Variants in RAB31 observed in about 807,000 individuals in gnomAD.
RAB31 encodes the protein ras-related protein Rab-31.
A neutral mutation model predicts 25.6 loss-of-function variants in RAB31; 21 were observed. The ratio of observed to expected loss-of-function variants is 0.82; its 90% CI spans 0.58 to 1.18. RAB31 has a LOEUF of 1.18. RAB31 is among the 50% of genes most tolerant of loss of function. The probability of loss-of-function intolerance (pLI) is 0.00; values close to 1 mark genes in which losing one functional copy is unlikely to be tolerated. For synonymous variants in RAB31, 87 were observed against 84.0 expected, an observed-to-expected ratio of 1.04 and a Z score of -0.20; for missense variants, 196 against 250.1, an observed-to-expected ratio of 0.78 and a Z score of 1.46.
intron 1 of RAB31, among the ~76,000 whole-genome samples, chr18:9,742,669 A>G (rs1479929433): frequency 1.3e-5 from 2 of 152,216 alleles, no homozygotes; most frequent in Admixed American, 6.5e-5. Context: ...CTCATGCCCA[A>G]TTACAGTTTA....
chr18:9,834,790 G>C lies in RAB31; in HGVS notation c.381-10792G>C, dbSNP rs188579307. Among the ~76,000 whole-genome samples, 5 of 152,254 alleles carry C rather than the reference G, an allele frequency of 3.3e-5. No individual in the cohort carries two copies. The East Asian group carries it at 9.7e-4, about 29-fold the overall frequency. Reference sequence around the variant, plus strand: ...AGAGTGGTTTAATCTTCTGTTCCTGGGGATTTTCTTCGAAGACAGAGTAAT... The same window carrying C: ...AGAGTGGTTTAATCTTCTGTTCCTGCGGATTTTCTTCGAAGACAGAGTAAT... On this transcript the variant is annotated intron_variant, in intron 5 of 6. Coordinates refer to ENST00000578921, the MANE Select transcript of RAB31 (RefSeq NM_006868.4).
chr18:9,826,001 C>T (rs1286430550), intron 5 of RAB31, among the ~76,000 whole-genome samples: 1 of 152,092 alleles, frequency 6.6e-6, no homozygotes, highest in African/African-American at 2.4e-5. Flanking sequence ...GTGACAGAAT[C>T]AATTGTACCC....
Position 9,859,389 on chromosome 18 carries a change from G to A in RAB31, c.*64G>A, listed in dbSNP as rs1040277625. ...GCCCACATCCTGTGCACTGCTGAAG[G>A]ACCCTACGCTCGGTGGCCTGGCACC... On this transcript the variant is annotated 3_prime_UTR_variant, in exon 7 of 7. Coordinates refer to ENST00000578921, the MANE Select transcript of RAB31 (RefSeq NM_006868.4). 7 of 1,416,932 alleles carry A rather than the reference G, an allele frequency of 4.9e-6. No homozygotes were observed. The highest frequency in any genetic ancestry group is 1.4e-5 in the African/African-American group (1 of 69,990). The allele number at this position is 1,416,932 out of a possible 1,614,324, so 87.8% of individuals were successfully genotyped here.
chr18:9,777,518 A>G (rs1388520089), intron 2 of RAB31, among the ~76,000 whole-genome samples: 6 of 152,138 alleles, frequency 3.9e-5, no homozygotes, highest in African/African-American at 1.4e-4. Context: ...CTTGTATGAT[A>G]GGTATACTTT....
chr18:9,795,883 G>A (rs957621937), intron 3 of RAB31, among the ~76,000 whole-genome samples: 3 of 152,120 alleles, frequency 2.0e-5, no homozygotes, highest in Non-Finnish European at 4.4e-5. Flanking sequence ...CCACTCCTGC[G>A]TATCAACCCA....
intron 5 of RAB31, among the ~76,000 whole-genome samples, chr18:9,837,925 T>C (rs1409985190): frequency 6.6e-6 from 1 of 152,204 alleles, no homozygotes; most frequent in Non-Finnish European, 1.5e-5. Flanking sequence ...GGGGTTGAGT[T>C]GGATAACACT....
At chr18:9,789,653 T>A (rs1330757794) in intron 2 of RAB31, among the ~76,000 whole-genome samples, 2 of 152,240 alleles carry the variant, frequency 1.3e-5, no homozygotes, top group Non-Finnish European at 2.9e-5. Flanking sequence ...GATTGGTTTT[T>A]ATTTTCTTTC....
intron 3 of RAB31, among the ~76,000 whole-genome samples, chr18:9,813,098 C>G: frequency 6.6e-6 from 1 of 152,206 alleles, no homozygotes; most frequent in East Asian, 1.9e-4. Context: ...ATGACCTCTC[C>G]TGTCTGGGGA....
At chr18:9,831,259 T>C (rs536548607) in intron 5 of RAB31, among the ~76,000 whole-genome samples, 2 of 152,352 alleles carry the variant, frequency 1.3e-5, no homozygotes, top group South Asian at 2.1e-4. Flanking sequence ...AACTATGTTA[T>C]CTATTTCGTT....
At chr18:9,856,830 C>T (rs2068818401) in intron 6 of RAB31, among the ~76,000 whole-genome samples, 1 of 152,174 alleles carries the variant, frequency 6.6e-6, no homozygotes. Flanking sequence ...TCGACACTGT[C>T]ACCCCTTTCT....
At chr18:9,734,584 CA>C (rs2068141051) in intron 1 of RAB31, among the ~76,000 whole-genome samples, 1 of 152,044 alleles carries the variant, frequency 6.6e-6, no homozygotes, top group South Asian at 2.1e-4. Context: ...TGAGGAACAG[CA>C]GAAAGGAGAG....
At chr18:9,720,390 C>T (rs902379004) in intron 1 of RAB31, among the ~76,000 whole-genome samples, 4 of 152,192 alleles carry the variant, frequency 2.6e-5, no homozygotes, top group Non-Finnish European at 5.9e-5. Flanking sequence ...GTAACAGTAC[C>T]AGACATCCCA....
At chr18:9,745,506 C>A (rs560045821) in intron 1 of RAB31, among the ~76,000 whole-genome samples, 18 of 152,122 alleles carry the variant, frequency 1.2e-4, no homozygotes, top group Non-Finnish European at 2.4e-4. Context: ...AGACCAATAT[C>A]CCTTACAATA....
intron 3 of RAB31, among the ~76,000 whole-genome samples, chr18:9,802,073 A>T (rs754258623): frequency 6.6e-6 from 1 of 152,180 alleles, no homozygotes; most frequent in Non-Finnish European, 1.5e-5. Context: ...TGTCTTGATT[A>T]CTGTAGCTTT....
At chr18:9,833,464 G>A (rs141429109) in intron 5 of RAB31, among the ~76,000 whole-genome samples, 5 of 152,294 alleles carry the variant, frequency 3.3e-5, no homozygotes, top group African/African-American at 4.8e-5. Flanking sequence ...GGTCCTGAAC[G>A]CCCAGAGCCT....
chr18:9,713,066 G>T (rs1174223974), intron 1 of RAB31, among the ~76,000 whole-genome samples: 6 of 152,226 alleles, frequency 3.9e-5, no homozygotes, highest in Non-Finnish European at 7.3e-5. Context: ...GGACGCAAGA[G>T]TAGAACAGAT....
chr18:9,796,015 T>C (rs114335312), intron 3 of RAB31, among the ~76,000 whole-genome samples: 5,058 of 152,270 alleles, frequency 0.033, 263 homozygotes, highest in African/African-American at 0.11. Context: ...AAAGAAAATG[T>C]GGTATATATA....
At chr18:9,755,867 G>A (rs1248555399) in intron 1 of RAB31, among the ~76,000 whole-genome samples, 1 of 152,262 alleles carries the variant, frequency 6.6e-6, no homozygotes, top group Non-Finnish European at 1.5e-5. Flanking sequence ...CTCAGAGGCT[G>A]CAATGTGGCG....
intron 5 of RAB31, among the ~76,000 whole-genome samples, chr18:9,819,874 G>A (rs1209097387): frequency 2.0e-5 from 3 of 151,946 alleles, no homozygotes; most frequent in Non-Finnish European, 4.4e-5. Context: ...TTGTTAGTGT[G>A]TAGAAATGCA....
Sources: allele counts gnomAD v4.1 joint callset (sites outside exome capture counted in the v4.1 genomes callset), GRCh38; gene constraint gnomAD v4.1.1; transcripts MANE v1.5; gene names NCBI Gene and HGNC (gene_info 2026-07-23, HGNC 2026-07-21).